The following IL16 variants were observed in gnomAD, a reference collection of about 807,000 sequenced individuals.
IL16 encodes the protein interleukin 16.
A neutral mutation model predicts 110.1 loss-of-function variants in IL16; 67 were observed. The observed-to-expected ratio is 0.61, with a 90% CI of 0.50 to 0.75. The LOEUF is 0.75. Ranked by LOEUF, IL16 falls within the 30% of genes least tolerant of loss-of-function variation. The pLI, the probability that IL16 is intolerant of heterozygous loss-of-function variation, is 0.00. For synonymous variants in IL16, 689 were observed against 662.9 expected (o/e 1.04, Z -0.61); for missense variants, 1,545 against 1,655.0 (o/e 0.93, Z 1.15).
upstream of IL16, among the ~76,000 whole-genome samples, chr15:81,195,600 C>T (rs780383793): frequency 6.6e-6 from 1 of 152,204 alleles, no homozygotes; most frequent in Admixed American, 6.5e-5. Flanking sequence ...CTGTGTTCTC[C>T]AGCAGCAGCG....
intron 2 of IL16, among the ~76,000 whole-genome samples, chr15:81,239,476 G>T (rs1311523917): frequency 6.6e-6 from 1 of 152,150 alleles, no homozygotes; most frequent in Non-Finnish European, 1.5e-5. Context: ...TGCTGCTTAG[G>T]TTTGGGGACA....
intron 2 of IL16, among the ~76,000 whole-genome samples, chr15:81,228,262 C>T (rs766010737): frequency 9.3e-5 from 14 of 151,170 alleles, no homozygotes; most frequent in Admixed American, 2.0e-4. Flanking sequence ...GGGAGGGACC[C>T]GGGCAGGGGA....
chr15:81,275,917 C>G (rs1898889463), intron 6 of IL16, among the ~76,000 whole-genome samples: 1 of 152,160 alleles, frequency 6.6e-6, no homozygotes, highest in Admixed American at 6.5e-5. Context: ...TTGGCAAAAC[C>G]TAATCAGCCA....
At chr15:81,245,599 G>A (rs72746132) in intron 2 of IL16, among the ~76,000 whole-genome samples, 22,893 of 143,790 alleles carry the variant, frequency 0.16, 2,012 homozygotes, top group Middle Eastern at 0.21. Context: ...AGCCACTGCT[G>A]GCATGGGTGG....
At chr15:81,188,194 A>G (rs1322451668) in intron 1 of IL16, among the ~76,000 whole-genome samples, 3 of 152,216 alleles carry the variant, frequency 2.0e-5, no homozygotes, top group Admixed American at 6.5e-5. Flanking sequence ...CGCTAGCAAG[A>G]TGAATACAAA....
chr15:81,189,058 A>T (rs1895458651), intron 1 of IL16, among the ~76,000 whole-genome samples: 1 of 151,916 alleles, frequency 6.6e-6, no homozygotes, highest in African/African-American at 2.4e-5. Context: ...GGCTTAAGCA[A>T]TCCTCCCGCC....
chr15:81,273,007 T>TG, intron 5 of IL16, 83 bp from the exon 6 acceptor site: 1 of 1,073,518 alleles, frequency 9.3e-7, no homozygotes, highest in South Asian at 1.3e-5. Flanking sequence ...TGTTCAGGGC[T>TG]GAGGCAGGCC....
intron 1 of IL16, among the ~76,000 whole-genome samples, chr15:81,203,136 T>A (rs1895883209): frequency 2.0e-5 from 3 of 150,838 alleles, no homozygotes; most frequent in South Asian, 4.2e-4. Context: ...TTGAGAAGTG[T>A]CTGTTCATAT....
At chr15:81,231,931 A>C (rs770730057) in intron 2 of IL16, among the ~76,000 whole-genome samples, 14 of 150,118 alleles carry the variant, frequency 9.3e-5, no homozygotes, top group Non-Finnish European at 1.6e-4. Context: ...TGGTTTCTCT[A>C]TTCTGATCTA....
At chr15:81,252,417 G>T (rs1282049380) in intron 2 of IL16, among the ~76,000 whole-genome samples, 2 of 152,174 alleles carry the variant, frequency 1.3e-5, no homozygotes, top group Non-Finnish European at 2.9e-5. Context: ...AGGGAGAAAA[G>T]ATTAAAGGCA....
At chr15:81,233,657 G>A (rs867885532) in intron 2 of IL16, among the ~76,000 whole-genome samples, 9 of 151,808 alleles carry the variant, frequency 5.9e-5, no homozygotes, top group African/African-American at 1.9e-4. Context: ...GTATGTGTAT[G>A]CATATATATA....
intron 1 of IL16, chr15:81,182,902 T>C (rs1274342241): frequency 7.8e-7 from 1 of 1,287,434 alleles, no homozygotes; most frequent in Non-Finnish European, 1.0e-6. Context: ...GAACGGTGAG[T>C]GGAGCTCCTT....
chr15:81,277,976 C>G (rs1458853246), intron 6 of IL16, among the ~76,000 whole-genome samples: 1 of 152,132 alleles, frequency 6.6e-6, no homozygotes, highest in Non-Finnish European at 1.5e-5. Context: ...AAGAATGATT[C>G]TCCTACAAGT....
intron 8 of IL16, among the ~76,000 whole-genome samples, chr15:81,281,324 A>G (rs1364272661): frequency 6.6e-6 from 1 of 152,186 alleles, no homozygotes; most frequent in African/African-American, 2.4e-5. Context: ...TGCTCACTCC[A>G]TCTGGTCCTC....
intron 1 of IL16, among the ~76,000 whole-genome samples, chr15:81,198,082 A>G (rs954749334): frequency 5.3e-5 from 8 of 152,138 alleles, no homozygotes; most frequent in African/African-American, 1.9e-4. Flanking sequence ...TTACGAGCAC[A>G]GTAGAAGGCA....
intron 1 of IL16, among the ~76,000 whole-genome samples, chr15:81,186,840 T>C (rs978988460): frequency 6.6e-6 from 1 of 152,104 alleles, no homozygotes; most frequent in Admixed American, 6.6e-5. Context: ...TTTTTAAATA[T>C]AGAGATGAAG....
chr15:81,303,577 T>A lies in IL16; in HGVS notation c.3347T>A (p.Leu1116Ter). 2 of 1,614,002 alleles carry A rather than the reference T, an allele frequency of 1.2e-6. No individual in the cohort carries two copies. The highest frequency in any genetic ancestry group is 1.7e-6 in the Non-Finnish European group (2 of 1,179,814). Residue 1116 changes from leucine (L) to a stop codon, truncating the protein, a stop_gained, in exon 16 of 19, where the codon TTA (leucine) becomes TAA (stop). Transcript: ENST00000683961. LOFTEE classifies it high-confidence loss of function. This position sits in a 1 kb window ranked among gnomAD's most constrained non-coding sequence, Gnocchi z 4.1. Reference sequence around the variant, plus strand: ...TTAGACGGCATCCATGTCACCATCTTACACAAGGAGGAAGGTGCTGGTCTT... The same window carrying A: ...TTAGACGGCATCCATGTCACCATCTAACACAAGGAGGAAGGTGCTGGTCTT... The part of the protein sequence containing the change: ...KQLDGIHVTI[L>*]HKEEGAGLGF...
intron 16 of IL16, among the ~76,000 whole-genome samples, chr15:81,305,585 T>C (rs539548898): frequency 1.3e-5 from 2 of 152,266 alleles, no homozygotes; most frequent in East Asian, 3.9e-4. Context: ...AAAACTACTC[T>C]GGGGACTTCT....
intron 3 of IL16, among the ~76,000 whole-genome samples, chr15:81,265,072 C>T (rs1477015998): frequency 3.9e-5 from 6 of 152,224 alleles, no homozygotes; most frequent in Middle Eastern, 3.4e-3. Context: ...GTAGAGTTCC[C>T]GGTTGGATGA....
Sources: gnomAD v4.1 joint callset for allele counts (sites outside exome capture counted in the v4.1 genomes callset) on GRCh38, gnomAD v4.1.1 for gene constraint, Gnocchi (gnomAD v3.1) non-coding constraint, MANE v1.5 for transcripts, NCBI Gene and HGNC (gene_info 2026-07-23, HGNC 2026-07-21) for gene names.